CNTN5: variants seen among roughly 807,000 people sequenced by gnomAD.
The protein encoded by CNTN5 is contactin-5.
In CNTN5, 77 loss-of-function variants were observed where a neutral mutation model predicts 129.1. The ratio of observed to expected loss-of-function variants is 0.60; its 90% CI spans 0.50 to 0.72. The LOEUF (loss-of-function observed/expected upper bound fraction) is 0.72. Among genes scored for constraint, CNTN5 ranks in the 30% least tolerant of loss-of-function variants. The probability of loss-of-function intolerance (pLI) is 0.00; values close to 1 mark genes in which losing one functional copy is unlikely to be tolerated. For synonymous variants in CNTN5, 509 were observed against 465.6 expected (o/e 1.09, Z -1.20); for missense variants, 1,478 against 1,328.8 (o/e 1.11, Z -1.75).
At chr11:99,590,675 G>A (rs558635006) in intron 3 of CNTN5, among the ~76,000 whole-genome samples, 27 of 152,288 alleles carry the variant, frequency 1.8e-4, no homozygotes, top group African/African-American at 6.5e-4. Context: ...AAATGCAAAG[G>A]CTATGGCAGG....
chr11:99,321,938 G>A (rs2135998770), intron 1 of CNTN5, among the ~76,000 whole-genome samples: 1 of 152,166 alleles, frequency 6.6e-6, no homozygotes, highest in East Asian at 1.9e-4. Flanking sequence ...ATACTACAAT[G>A]GCTGATGAAA....
intron 19 of CNTN5, 27 bp downstream of exon 19, chr11:100,297,722 T>C (rs1198969722): frequency 6.6e-7 from 1 of 1,504,326 alleles, no homozygotes; most frequent in Non-Finnish European, 9.1e-7. Flanking sequence ...CTCTCACAAA[T>C]TACTCCACGT....
At chr11:99,452,143 G>C (rs926665144) in intron 2 of CNTN5, among the ~76,000 whole-genome samples, 1 of 152,050 alleles carries the variant, frequency 6.6e-6, no homozygotes, top group Non-Finnish European at 1.5e-5. Context: ...AAAGAGCAAA[G>C]ACGTTTGCTG....
chr11:99,588,471 G>T lies in CNTN5; in HGVS notation c.55+32202G>T, dbSNP rs572285052. On this transcript the variant is annotated intron_variant, in intron 3 of 24. Coordinates refer to ENST00000524871, the MANE Select transcript of CNTN5 (RefSeq NM_014361.4). The stretch of plus-strand genomic sequence containing the variant: ...CATTTTCAGATTAAGAAGAGGAAAA[G>T]AAATTGTTCATGGGTAAAATTAGGA... Among the ~76,000 whole-genome samples the T allele has an allele frequency of 4.6e-5, 7 of 151,732 alleles. No homozygotes were observed. In the East Asian group the frequency reaches 1.2e-3, roughly 25 times the overall value.
intron 9 of CNTN5, among the ~76,000 whole-genome samples, chr11:100,030,535 G>A (rs1941654665): frequency 6.6e-6 from 1 of 152,140 alleles, no homozygotes; most frequent in African/African-American, 2.4e-5. Context: ...AATCCATTGT[G>A]AACCAATGTC....
Position 99,403,008 on chromosome 11 carries a change from C to CTT in CNTN5, c.-71+77539_-71+77540dup, listed in dbSNP as rs56376015. 8.7e-4 allele frequency among the ~76,000 whole-genome samples: 124 copies of CTT among 142,130 alleles called. 1 individual carries two copies. Among genetic ancestry groups the CTT allele is most frequent in the South Asian group, 2.2e-3 (10 of 4,544 alleles). The allele number at this position is 142,130 out of a possible 152,430, so 93.2% of individuals were successfully genotyped here. On this transcript the variant is annotated intron_variant, in intron 2 of 24. Coordinates refer to ENST00000524871, the MANE Select transcript of CNTN5 (RefSeq NM_014361.4). ...AAAGTTTGTCTATTTTGTTAAACTT[C>CTT]TTTTTTTTTTTTTTTTGAGATGGAG...
intron 2 of CNTN5, among the ~76,000 whole-genome samples, chr11:99,379,653 G>A (rs903539669): frequency 6.6e-6 from 1 of 152,030 alleles, no homozygotes; most frequent in Non-Finnish European, 1.5e-5. Context: ...ATGTGGAAAG[G>A]TAGAAAAAAA....
At chr11:99,354,592 C>T (rs1037033845) in intron 2 of CNTN5, among the ~76,000 whole-genome samples, 3 of 152,062 alleles carry the variant, frequency 2.0e-5, no homozygotes, top group Non-Finnish European at 4.4e-5. Context: ...TTTTCTCATA[C>T]CCCGTAATCA....
intron 1 of CNTN5, among the ~76,000 whole-genome samples, chr11:99,066,683 C>T (rs1865116987): frequency 6.6e-6 from 1 of 152,148 alleles, no homozygotes; most frequent in South Asian, 2.1e-4. Context: ...GACCACCATG[C>T]CTCCAAGATC....
chr11:99,914,684 A>C (rs1266004837), intron 6 of CNTN5, among the ~76,000 whole-genome samples: 1 of 152,066 alleles, frequency 6.6e-6, no homozygotes, highest in Non-Finnish European at 1.5e-5. Flanking sequence ...ACTGTTTATA[A>C]AGAAACATTG....
intron 10 of CNTN5, among the ~76,000 whole-genome samples, chr11:100,067,925 T>C (rs1464466637): frequency 1.3e-5 from 2 of 152,180 alleles, no homozygotes; most frequent in Admixed American, 1.3e-4. Flanking sequence ...AAATTTGTTT[T>C]GGAATCAGGA....
intron 2 of CNTN5, among the ~76,000 whole-genome samples, chr11:99,549,104 T>A (rs1015124271): frequency 1.4e-5 from 2 of 145,048 alleles, no homozygotes; most frequent in South Asian, 2.2e-4. Context: ...TTTTTTTTTT[T>A]ATAACACAAG....
In CNTN5 at chr11:99,762,254, A is replaced by G. The variant is rs992646241; in HGVS notation, c.56-57290A>G. On this transcript the variant is annotated intron_variant, in intron 3 of 24. Coordinates refer to ENST00000524871, the MANE Select transcript of CNTN5 (RefSeq NM_014361.4). ...GATGGTAGTTTCTTTTGCTGTGCAG[A>G]AGCTCTTTAGTTTAATTAGATCCCA... Among the ~76,000 whole-genome samples the G allele has an allele frequency of 5.6e-5, 8 of 143,614 alleles. No homozygotes were observed. The East Asian group carries it at 6.2e-4, about 11-fold the overall frequency. The allele number at this position is 143,614 out of a possible 152,430, so 94.2% of individuals were successfully genotyped here. A position where few individuals can be genotyped will look rare whatever the true frequency, so the allele number is the denominator to read the frequency against.
chr11:99,723,983 A>G (rs1943256291), intron 3 of CNTN5, among the ~76,000 whole-genome samples: 1 of 152,158 alleles, frequency 6.6e-6, no homozygotes, highest in Non-Finnish European at 1.5e-5. Flanking sequence ...AGTTTAAACT[A>G]TTCATTCTAC....
At chr11:99,838,270 C>T (rs578054351) in intron 4 of CNTN5, among the ~76,000 whole-genome samples, 1 of 152,124 alleles carries the variant, frequency 6.6e-6, no homozygotes, top group African/African-American at 2.4e-5. Context: ...TGAAATGAAT[C>T]GTTCTTCTTC....
At chr11:99,335,066 CT>C (rs1212887496) in intron 2 of CNTN5, among the ~76,000 whole-genome samples, 4 of 152,136 alleles carry the variant, frequency 2.6e-5, no homozygotes, top group Non-Finnish European at 5.9e-5. Flanking sequence ...GTTTCAACCA[CT>C]GCTTCTAGGC....
intron 6 of CNTN5, among the ~76,000 whole-genome samples, chr11:99,845,618 C>T (rs1482903847): frequency 2.6e-5 from 4 of 151,902 alleles, no homozygotes; most frequent in Non-Finnish European, 4.4e-5. Context: ...GTGATCCGCC[C>T]GCCTCGGCCT....
At chr11:100,237,408 C>T (rs1475038218) in intron 16 of CNTN5, among the ~76,000 whole-genome samples, 11 of 152,042 alleles carry the variant, frequency 7.2e-5, no homozygotes, top group Non-Finnish European at 1.0e-4. Context: ...ACACTACATA[C>T]GATGTAGTCT....
chr11:99,078,923 A>T (rs1346748922), intron 1 of CNTN5, among the ~76,000 whole-genome samples: 2 of 152,272 alleles, frequency 1.3e-5, no homozygotes, highest in African/African-American at 2.4e-5. Context: ...TTGTACATTT[A>T]AAAAATCACT....
Sources: allele counts gnomAD v4.1 joint callset (sites outside exome capture counted in the v4.1 genomes callset), GRCh38; gene constraint gnomAD v4.1.1; transcripts MANE v1.5; gene names NCBI Gene and HGNC (gene_info 2026-07-23, HGNC 2026-07-21).